Variants in FBXW8 observed in about 807,000 individuals in gnomAD.
FBXW8 encodes F-box and WD repeat domain containing 8, also known as F-box/WD repeat-containing protein 8.
A neutral mutation model predicts 65.3 loss-of-function variants in FBXW8; 57 were observed. The ratio of observed to expected loss-of-function variants is 0.87; its 90% CI spans 0.71 to 1.09. The LOEUF (loss-of-function observed/expected upper bound fraction) is 1.09. Among genes scored for constraint, FBXW8 ranks in the 50% least tolerant of loss-of-function variants. FBXW8 has a pLI of 0.00. For missense variants in FBXW8, 777 were observed against 814.8 expected, an observed-to-expected ratio of 0.95 and a Z score of 0.57; for synonymous variants, 308 against 330.2, an observed-to-expected ratio of 0.93 and a Z score of 0.73.
chr12:117,011,126 C>CTTTTT (rs1565940778), intron 8 of FBXW8, among the ~76,000 whole-genome samples: 2 of 100,340 alleles, frequency 2.0e-5, no homozygotes, highest in Non-Finnish European at 3.6e-5. Context: ...TTTTTCTTTT[C>CTTTTT]CTTTTTTTTT....
intron 5 of FBXW8, among the ~76,000 whole-genome samples, chr12:116,983,269 G>A (rs1165017108): frequency 2.0e-5 from 3 of 152,202 alleles, no homozygotes; most frequent in African/African-American, 7.2e-5. Context: ...TAGAGCCACT[G>A]GCATTTTCTG....
chr12:116,974,516 A>G (rs867851921), intron 5 of FBXW8, among the ~76,000 whole-genome samples: 4 of 152,272 alleles, frequency 2.6e-5, no homozygotes, highest in Non-Finnish European at 5.9e-5. Flanking sequence ...AAAAGGATCC[A>G]GCCGATTCTG....
chr12:116,945,240 G>T, intron 2 of FBXW8, 124 bp from the exon 3 acceptor site: 2 of 864,882 alleles, frequency 2.3e-6, no homozygotes, highest in South Asian at 2.2e-5. Flanking sequence ...ATAGTGTTTT[G>T]TTAATGAGAC....
intron 7 of FBXW8, among the ~76,000 whole-genome samples, chr12:116,991,488 G>T (rs1308985362): frequency 6.6e-6 from 1 of 152,210 alleles, no homozygotes; most frequent in East Asian, 1.9e-4. Flanking sequence ...AGTCTCATGT[G>T]CGAGGCTTGG....
chr12:116,934,001 A>G (rs1881971788), intron 2 of FBXW8, among the ~76,000 whole-genome samples: 1 of 152,120 alleles, frequency 6.6e-6, no homozygotes, highest in Non-Finnish European at 1.5e-5. Flanking sequence ...TGGAATTGGC[A>G]CCATGAACTA....
chr12:116,991,552 G>A (rs1953241001), intron 7 of FBXW8, among the ~76,000 whole-genome samples: 2 of 152,218 alleles, frequency 1.3e-5, no homozygotes, highest in South Asian at 4.1e-4. Flanking sequence ...TCAGCCTGGT[G>A]GCAGCGTGTG....
chr12:117,009,740 T>G (rs1953759716), intron 7 of FBXW8, among the ~76,000 whole-genome samples: 1 of 152,200 alleles, frequency 6.6e-6, no homozygotes, highest in African/African-American at 2.4e-5. Flanking sequence ...TCATACCCTA[T>G]GGAACACAGC....
intron 2 of FBXW8, among the ~76,000 whole-genome samples, chr12:116,933,801 A>G (rs996756755): frequency 2.0e-5 from 3 of 152,210 alleles, no homozygotes; most frequent in Admixed American, 2.0e-4. Flanking sequence ...AAAACCACAA[A>G]GTAATAAAAA....
At chr12:117,020,714 A>C (rs530908276) in intron 8 of FBXW8, among the ~76,000 whole-genome samples, 16 of 152,260 alleles carry the variant, frequency 1.1e-4, no homozygotes, top group Non-Finnish European at 1.3e-4. Context: ...AGTGTGTTTG[A>C]TGAAACCACG....
chr12:116,911,197 G>GC lies in FBXW8; in HGVS notation c.161dup (p.Leu55AlafsTer54). 1.6e-6 allele frequency: 2 copies of GC among 1,283,688 alleles called. No individual in the cohort carries two copies. The highest frequency in any genetic ancestry group is 2.0e-6 in the Non-Finnish European group (2 of 1,020,856). The allele number at this position is 1,283,688 out of a possible 1,614,324, so 79.5% of individuals were successfully genotyped here. A position where few individuals can be genotyped will look rare whatever the true frequency, so the allele number is the denominator to read the frequency against. On this transcript the variant is annotated frameshift_variant, in exon 1 of 11. Transcript: ENST00000652555. LOFTEE classifies it high-confidence loss of function. ...CGGCGAACAGGCCTCGGGGGACCCG[G>GC]CGCTGGCCCAGCGTCTCCTGGAGGG...
At chr12:116,924,174 GTGTTGT>G in intron 1 of FBXW8, among the ~76,000 whole-genome samples, 1 of 23,836 alleles carries the variant, frequency 4.2e-5, no homozygotes. Flanking sequence ...TTTTAAGTCA[GTGTTGT>G]CCATTTTCAT....
chr12:116,965,925 ATT>A (rs10630126), intron 5 of FBXW8, among the ~76,000 whole-genome samples: 8 of 137,306 alleles, frequency 5.8e-5, no homozygotes, highest in African/African-American at 1.6e-4. Flanking sequence ...TGCCCAGCTA[ATT>A]TTTTTTTTTT....
chr12:117,012,903 T>G (rs1953861043), intron 8 of FBXW8, among the ~76,000 whole-genome samples: 2 of 152,178 alleles, frequency 1.3e-5, no homozygotes, highest in East Asian at 1.9e-4. Flanking sequence ...GGAATCAGTT[T>G]TAAGTAGTTT....
chr12:117,002,173 C>G (rs539145675), intron 7 of FBXW8, among the ~76,000 whole-genome samples: 100 of 152,358 alleles, frequency 6.6e-4, no homozygotes, highest in Admixed American at 1.6e-3. Context: ...TTGGCACTGC[C>G]TGCCCGGGAA....
intron 1 of FBXW8, among the ~76,000 whole-genome samples, chr12:116,915,809 C>G (rs957720276): frequency 1.3e-5 from 2 of 151,886 alleles, no homozygotes; most frequent in Non-Finnish European, 2.9e-5. Context: ...TGCACCACCA[C>G]GGCCTGCTCA....
chr12:116,917,603 A>G (rs1880532227), intron 1 of FBXW8, among the ~76,000 whole-genome samples: 1 of 152,214 alleles, frequency 6.6e-6, no homozygotes, highest in Admixed American at 6.5e-5. Context: ...TCAAAAGTGA[A>G]GTTGCCTTTG....
intron 4 of FBXW8, among the ~76,000 whole-genome samples, chr12:116,962,159 C>T (rs996800105): frequency 3.9e-5 from 6 of 152,140 alleles, no homozygotes; most frequent in African/African-American, 7.2e-5. Context: ...TGATTTTAGA[C>T]GTGTGGAGTC....
intron 5 of FBXW8, among the ~76,000 whole-genome samples, chr12:116,977,183 T>A (rs1157350194): frequency 2.6e-5 from 4 of 152,358 alleles, no homozygotes; most frequent in Non-Finnish European, 4.4e-5. Context: ...ATCATTTAAA[T>A]CTTTATGTAG....
chr12:117,000,045 G>A (rs112190208), intron 7 of FBXW8, among the ~76,000 whole-genome samples: 7,031 of 148,314 alleles, frequency 0.047, 403 homozygotes, highest in African/African-American at 0.14. Flanking sequence ...GCAGTGGCGC[G>A]ATCTCTGCTC....
Sources: allele counts gnomAD v4.1 joint callset (sites outside exome capture counted in the v4.1 genomes callset), GRCh38; gene constraint gnomAD v4.1.1; transcripts MANE v1.5; gene names NCBI Gene and HGNC (gene_info 2026-07-23, HGNC 2026-07-21).